SPON1: variants seen among roughly 807,000 people sequenced by gnomAD.
SPON1 encodes spondin-1.
In SPON1, 52 loss-of-function variants were observed where a neutral mutation model predicts 111.7. That is an observed-to-expected ratio of 0.47 (90% CI 0.37 to 0.59). The LOEUF (loss-of-function observed/expected upper bound fraction) is 0.59, where lower values mean the gene tolerates loss of function less well. Among genes scored for constraint, SPON1 ranks in the 20% least tolerant of loss-of-function variants. The pLI is 0.00. For missense variants in SPON1, 957 were observed against 1,068.5 expected, an observed-to-expected ratio of 0.90 and a Z score of 1.46; for synonymous variants, 410 against 395.8, an observed-to-expected ratio of 1.04 and a Z score of -0.43.
At chr11:14,260,139 G>A (rs1414315585) in intron 13 of SPON1, among the ~76,000 whole-genome samples, 1 of 152,182 alleles carries the variant, frequency 6.6e-6, no homozygotes, top group Admixed American at 6.5e-5. Flanking sequence ...ATGCATATGG[G>A]CCTGCCCACA....
At chr11:14,213,603 C>T (rs1426829506) in intron 6 of SPON1, among the ~76,000 whole-genome samples, 2 of 152,166 alleles carry the variant, frequency 1.3e-5, no homozygotes, top group African/African-American at 4.8e-5. Context: ...GTACAAAGCA[C>T]TTTCTATGTA....
At chr11:14,054,776 G>C (rs1848732446) in intron 3 of SPON1, among the ~76,000 whole-genome samples, 1 of 152,206 alleles carries the variant, frequency 6.6e-6, no homozygotes, top group Non-Finnish European at 1.5e-5. Flanking sequence ...CAGGAAACCA[G>C]CGAGAGCAAT....
At chr11:14,033,884 C>CAAGG (rs1554916341) in intron 2 of SPON1, among the ~76,000 whole-genome samples, 1 of 152,190 alleles carries the variant, frequency 6.6e-6, no homozygotes, top group African/African-American at 2.4e-5. Context: ...CCGTCTCTTG[C>CAAGG]AAGGAGTCAA....
In SPON1 at chr11:14,235,678, C is replaced by CAAAAA. The variant is rs56925967; in HGVS notation, c.826-7629_826-7625dup. Reference sequence around the variant, plus strand: ...TAGGCAACAGAGAAAGACCCTGCCTCAAAAAAAAAAAAAAAAAAAAAAAAA... The same window carrying CAAAAA: ...TAGGCAACAGAGAAAGACCCTGCCTCAAAAAAAAAAAAAAAAAAAAAAAAAAAAAA... On this transcript the variant is annotated intron_variant, in intron 6 of 15. Transcript: ENST00000576479. Among the ~76,000 whole-genome samples the CAAAAA allele has an allele frequency of 2.7e-4, 19 of 71,390 alleles. 2 individuals carry two copies. The highest frequency in any genetic ancestry group is 8.9e-4 in the African/African-American group (16 of 17,966). 46.8% of individuals were successfully genotyped at this position (71,390 alleles called of 152,430 possible).
intron 5 of SPON1, among the ~76,000 whole-genome samples, chr11:14,103,935 T>C (rs1554924649): frequency 1.3e-5 from 2 of 152,200 alleles, no homozygotes; most frequent in South Asian, 2.1e-4. Context: ...TTGATTTTTA[T>C]AAGGGATTTG....
At chr11:14,080,624 G>A (rs1554921963) in intron 5 of SPON1, among the ~76,000 whole-genome samples, 1 of 152,146 alleles carries the variant, frequency 6.6e-6, no homozygotes, top group Non-Finnish European at 1.5e-5. Context: ...CAATCCCCCT[G>A]CAATGACCCT....
chr11:13,970,408 G>A (rs565286070), intron 1 of SPON1, among the ~76,000 whole-genome samples: 1 of 152,272 alleles, frequency 6.6e-6, no homozygotes, highest in East Asian at 1.9e-4. Flanking sequence ...GAAATAACTT[G>A]AACCCTCTCT....
chr11:14,032,587 G>A (rs1554916199), intron 2 of SPON1, among the ~76,000 whole-genome samples: 5 of 152,166 alleles, frequency 3.3e-5, no homozygotes, highest in African/African-American at 1.2e-4. Context: ...CATCAAGCAA[G>A]ATGGATATTA....
At chr11:14,141,667 A>G (rs1224580767) in intron 6 of SPON1, among the ~76,000 whole-genome samples, 4 of 152,218 alleles carry the variant, frequency 2.6e-5, no homozygotes, top group Non-Finnish European at 5.9e-5. Flanking sequence ...GAAACAGTTT[A>G]TATGGCTCCA....
chr11:14,017,561 C>A (rs1554914424), intron 2 of SPON1, among the ~76,000 whole-genome samples: 1 of 152,124 alleles, frequency 6.6e-6, no homozygotes, highest in African/African-American at 2.4e-5. Flanking sequence ...TCTGTGACAG[C>A]CTTGTGATGG....
At position 14,254,723 on chromosome 11, in the gene SPON1, C is replaced by T; in HGVS notation, c.1086C>T (p.Thr362=). ...ACGCTGGCACCGACAGCGGGGTGAC[C>T]TATGAGGTGTGTGTGTGTGCCTGGA... ...PWDAGTDSGV[T]YESPNKPTIP... is the part of the protein sequence containing the mutation. The change falls in exon 8 of 16, where the codon ACC becomes ACT. Residue 362 remains threonine, a synonymous_variant. Transcript: ENST00000576479. 3 of 1,613,670 alleles carry T rather than the reference C, an allele frequency of 1.9e-6. No individual in the cohort carries two copies. The highest frequency in any genetic ancestry group is 2.2e-5 in the South Asian group (2 of 91,046).
chr11:14,160,162 T>C (rs182805194), intron 6 of SPON1, among the ~76,000 whole-genome samples: 2,321 of 150,962 alleles, frequency 0.015, 157 homozygotes, highest in Admixed American at 0.12. Flanking sequence ...CTCATAAATA[T>C]ATACACCCAC....
chr11:14,085,218 C>A (rs1472286753), intron 5 of SPON1, among the ~76,000 whole-genome samples: 1 of 152,062 alleles, frequency 6.6e-6, no homozygotes, highest in Admixed American at 6.5e-5. Context: ...AAGTCTTTGC[C>A]CATGCTTATG....
intron 6 of SPON1, among the ~76,000 whole-genome samples, chr11:14,145,670 A>G (rs1453495991): frequency 6.6e-6 from 1 of 152,240 alleles, no homozygotes; most frequent in Non-Finnish European, 1.5e-5. Flanking sequence ...ACATAATAAA[A>G]TAATTCTATA....
intron 2 of SPON1, among the ~76,000 whole-genome samples, chr11:13,985,216 C>T (rs1269415681): frequency 2.6e-5 from 4 of 152,188 alleles, no homozygotes; most frequent in East Asian, 1.9e-4. Flanking sequence ...TCCATCATCA[C>T]GTCAACACAT....
intron 6 of SPON1, among the ~76,000 whole-genome samples, chr11:14,187,291 G>A (rs1433142887): frequency 6.6e-6 from 1 of 152,076 alleles, no homozygotes; most frequent in Admixed American, 6.5e-5. Flanking sequence ...CAACATTGAG[G>A]GTCACATTTC....
chr11:14,095,121 A>T (rs886654056), intron 5 of SPON1, among the ~76,000 whole-genome samples: 15 of 152,206 alleles, frequency 9.9e-5, no homozygotes, highest in African/African-American at 3.6e-4. Context: ...AAATCATTTC[A>T]TCAGGCTCTG....
At chr11:14,036,213 T>C (rs1369680544) in intron 2 of SPON1, among the ~76,000 whole-genome samples, 1 of 152,206 alleles carries the variant, frequency 6.6e-6, no homozygotes, top group Non-Finnish European at 1.5e-5. Flanking sequence ...ATTGTAATGA[T>C]ATTTGTGTTT....
At chr11:14,246,642 A>G (rs552464978) in intron 7 of SPON1, among the ~76,000 whole-genome samples, 14 of 152,280 alleles carry the variant, frequency 9.2e-5, no homozygotes, top group African/African-American at 3.1e-4. Flanking sequence ...CCTGTATCCT[A>G]TCAAGGAGGA....
Sources: allele counts gnomAD v4.1 joint callset (sites outside exome capture counted in the v4.1 genomes callset), GRCh38; gene constraint gnomAD v4.1.1; transcripts MANE v1.5; gene names NCBI Gene and HGNC (gene_info 2026-07-23, HGNC 2026-07-21).